DMD: variants seen among roughly 807,000 people sequenced by gnomAD.
The protein encoded by DMD is dystrophin, also known as mutant dystrophin.
Under a neutral mutation model 330.1 loss-of-function variants are expected in DMD, and 63 were observed. The ratio of observed to expected loss-of-function variants is 0.19; its 90% CI spans 0.16 to 0.24. DMD has a LOEUF of 0.24. Ranked by LOEUF, DMD falls within the 10% of genes least tolerant of loss-of-function variation. The probability of loss-of-function intolerance (pLI) is 1.00; values close to 1 mark genes in which losing one functional copy is unlikely to be tolerated. For missense variants in DMD, 3,344 were observed against 2,684.1 expected, an observed-to-expected ratio of 1.25 and a Z score of -5.43; for synonymous variants, 1,223 against 959.8, an observed-to-expected ratio of 1.27 and a Z score of -5.07.
intron 44 of DMD, among the ~76,000 whole-genome samples, chrX:32,207,121 A>G (rs939687037): frequency 8.9e-6 from 1 of 111,732 alleles, no homozygotes; most frequent in Admixed American, 9.5e-5. Context: ...GTAGCCTCCC[A>G]AGCCCTGTGT....
intron 7 of DMD, among the ~76,000 whole-genome samples, chrX:32,807,791 C>G (rs934034838): frequency 5.4e-5 from 6 of 111,161 alleles, no homozygotes; most frequent in African/African-American, 2.0e-4. Flanking sequence ...TCTGTAAGTT[C>G]AAAGGAGCAC....
intron 27 of DMD, 70 bp downstream of exon 27, chrX:32,448,386 T>C (rs949212035): frequency 7.0e-6 from 8 of 1,139,403 alleles, no homozygotes; most frequent in Middle Eastern, 4.9e-4. Context: ...ATCCATGTTC[T>C]TAACCACTAT....
At chrX:32,913,442 G>A (rs759687017) in intron 2 of DMD, among the ~76,000 whole-genome samples, 1 of 111,981 alleles carries the variant, frequency 8.9e-6, no homozygotes, top group East Asian at 2.8e-4. Context: ...AGGGCTTTTC[G>A]ATACTACAAT....
chrX:32,406,995 C>A (rs776368282), intron 30 of DMD, among the ~76,000 whole-genome samples: 8 of 111,461 alleles, frequency 7.2e-5, no homozygotes, highest in East Asian at 2.8e-4. Context: ...TAAAGACTTA[C>A]ATGTTAGACT....
chrX:32,666,197 TTTA>T (rs2061292546), intron 9 of DMD, among the ~76,000 whole-genome samples: 1 of 111,232 alleles, frequency 9.0e-6, no homozygotes, highest in South Asian at 3.8e-4. Flanking sequence ...GGTGTCTTTT[TTTA>T]TTATTATACT....
In DMD at chrX:32,491,295, A is replaced by C; in HGVS notation, c.2604T>G (p.Ser868Arg). 8.3e-7 allele frequency: 1 copy of C among 1,211,638 alleles called. No individual in the cohort carries two copies. Among genetic ancestry groups the C allele is most frequent in the Non-Finnish European group, 1.1e-6 (1 of 895,439 alleles). Reference protein sequence around the residue: ...TTPSEPTAIKSQLKICKDEVN... With the variant: ...TTPSEPTAIKRQLKICKDEVN... ...TTCTTACCTTACAAATTTTTAACTG[A>C]CTTTTAATTGCTGTTGGCTCTGATG... is the stretch of plus-strand genomic sequence containing the variant. The change falls in exon 20 of 79, where the codon AGT becomes AGG. Residue 868 changes from serine (S) to arginine (R), a missense_variant. Coordinates refer to ENST00000357033, the MANE Select transcript of DMD (RefSeq NM_004006.3).
At chrX:31,456,876 G>GTGTGTGTGTGTGTGTGTATA (rs752346201) in intron 59 of DMD, among the ~76,000 whole-genome samples, 5 of 68,725 alleles carry the variant, frequency 7.3e-5, no homozygotes, top group East Asian at 8.8e-4. Flanking sequence ...GTGTGTGTGT[G>GTGTGTGTGTGTGTGTGTATA]TATATATATA....
chrX:32,711,380 A>C (rs1381159722), intron 7 of DMD, among the ~76,000 whole-genome samples: 1 of 109,811 alleles, frequency 9.1e-6, no homozygotes, highest in African/African-American at 3.3e-5. Flanking sequence ...ATGGAGCCTG[A>C]CTCCTTATCA....
intron 62 of DMD, among the ~76,000 whole-genome samples, chrX:31,291,953 C>T (rs746705493): frequency 9.1e-6 from 1 of 110,455 alleles, no homozygotes; most frequent in African/African-American, 3.3e-5. Context: ...ACATATTACA[C>T]AAAAGGTCAA....
At chrX:31,577,974 C>A (rs1157796040) in intron 55 of DMD, among the ~76,000 whole-genome samples, 1 of 111,100 alleles carries the variant, frequency 9.0e-6, no homozygotes, top group Non-Finnish European at 1.9e-5. Context: ...AAAAAAATCA[C>A]CTAAAACACA....
In DMD at chrX:32,336,944, G is replaced by A. The variant is rs141993465; in HGVS notation, c.5922+5156C>T. Among the ~76,000 whole-genome samples, 515 of 111,186 alleles carry A rather than the reference G, an allele frequency of 4.6e-3. 2 individuals are homozygous for A. The highest frequency in any genetic ancestry group is 0.016 in the African/African-American group (489 of 30,602). On this transcript the variant is annotated intron_variant, in intron 41 of 78. Coordinates refer to ENST00000357033, the MANE Select transcript of DMD (RefSeq NM_004006.3). ...ATAGGAAGGGGCTACATCATATAGC[G>A]GATCACAGGATTTCATTTAAAGAGT...
intron 16 of DMD, among the ~76,000 whole-genome samples, chrX:32,552,183 A>G (rs2049637860): frequency 8.9e-6 from 1 of 112,116 alleles, no homozygotes; most frequent in African/African-American, 3.2e-5. Context: ...CCTAAGCAAA[A>G]AGAAAAAAGC....
At chrX:32,492,343 G>T (rs979005564) in intron 19 of DMD, among the ~76,000 whole-genome samples, 4 of 112,261 alleles carry the variant, frequency 3.6e-5, no homozygotes, top group Non-Finnish European at 7.5e-5. Flanking sequence ...GTCTCATATT[G>T]TCCATGGATG....
intron 13 of DMD, among the ~76,000 whole-genome samples, chrX:32,593,504 T>A (rs1389807015): frequency 8.9e-6 from 1 of 111,843 alleles, no homozygotes; most frequent in African/African-American, 3.3e-5. Context: ...TGACAAGGAA[T>A]TAGCATTCTA....
intron 77 of DMD, among the ~76,000 whole-genome samples, chrX:31,128,194 T>C (rs2033991368): frequency 2.7e-5 from 3 of 112,152 alleles, no homozygotes; most frequent in East Asian, 2.8e-4. Flanking sequence ...TGTTTCATAA[T>C]ACTGTCTGGT....
intron 9 of DMD, among the ~76,000 whole-genome samples, chrX:32,658,704 C>A (rs1029866463): frequency 9.0e-6 from 1 of 111,034 alleles, no homozygotes; most frequent in African/African-American, 3.3e-5. Context: ...CATGTCCAAG[C>A]TAGCCATCTC....
chrX:31,817,707 T>C (rs1475452052), intron 50 of DMD, among the ~76,000 whole-genome samples: 1 of 111,168 alleles, frequency 9.0e-6, no homozygotes. Context: ...ACAAGAGTGG[T>C]GGGGGGTGAT....
intron 4 of DMD, among the ~76,000 whole-genome samples, chrX:32,834,482 T>A (rs772036014): frequency 2.2e-4 from 25 of 111,812 alleles, no homozygotes; most frequent in African/African-American, 7.4e-4. Flanking sequence ...TATGCCAGCA[T>A]GTGAACAGTA....
At chrX:32,968,504 A>C (rs1298064817) in intron 2 of DMD, among the ~76,000 whole-genome samples, 1 of 111,917 alleles carries the variant, frequency 8.9e-6, no homozygotes, top group African/African-American at 3.2e-5. Context: ...TTTGCTACAA[A>C]GATAAATAAA....
Sources: gnomAD v4.1 joint callset for allele counts (sites outside exome capture counted in the v4.1 genomes callset) on GRCh38, gnomAD v4.1.1 for gene constraint, MANE v1.5 for transcripts, NCBI Gene and HGNC (gene_info 2026-07-23, HGNC 2026-07-21) for gene names.